The following ADAMTS6 variants were observed in gnomAD, a reference collection of about 807,000 sequenced individuals.
ADAMTS6 encodes the protein ADAM metallopeptidase with thrombospondin type 1 motif 6.
In ADAMTS6, 23 loss-of-function variants were observed where a neutral mutation model predicts 144.3. The ratio of observed to expected loss-of-function variants is 0.16; its 90% CI spans 0.11 to 0.23. ADAMTS6 has a LOEUF of 0.23. Ranked by LOEUF, ADAMTS6 falls within the 10% of genes least tolerant of loss-of-function variation. The probability of loss-of-function intolerance (pLI) is 1.00; values close to 1 mark genes in which losing one functional copy is unlikely to be tolerated. For synonymous variants in ADAMTS6, 444 were observed against 457.5 expected, an observed-to-expected ratio of 0.97 and a Z score of 0.38; for missense variants, 999 against 1,379.6, an observed-to-expected ratio of 0.72 and a Z score of 4.37.
At chr5:65,156,309 C>CAA (rs199620250) in intron 24 of ADAMTS6, among the ~76,000 whole-genome samples, 2 of 150,820 alleles carry the variant, frequency 1.3e-5, no homozygotes, top group African/African-American at 2.4e-5. Context: ...AAAAAAAACA[C>CAA]AAAAAAACGA....
intron 16 of ADAMTS6, among the ~76,000 whole-genome samples, chr5:65,225,565 C>A (rs1477318266): frequency 3.3e-5 from 5 of 152,160 alleles, no homozygotes; most frequent in African/African-American, 1.2e-4. Flanking sequence ...CAATTCCCAA[C>A]TAGTCTGACT....
At chr5:65,338,450 G>C (rs1413139372) in intron 7 of ADAMTS6, among the ~76,000 whole-genome samples, 1 of 152,246 alleles carries the variant, frequency 6.6e-6, no homozygotes, top group Non-Finnish European at 1.5e-5. Context: ...TAATCTTCTA[G>C]TCACTTTTGC....
At chr5:65,345,875 A>C (rs968224792) in intron 7 of ADAMTS6, among the ~76,000 whole-genome samples, 30 of 151,860 alleles carry the variant, frequency 2.0e-4, no homozygotes, top group African/African-American at 7.2e-4. Context: ...TTTTATTCAA[A>C]TCTATCTTAT....
intron 7 of ADAMTS6, among the ~76,000 whole-genome samples, chr5:65,399,445 C>T (rs1185098600): frequency 6.6e-6 from 1 of 152,152 alleles, no homozygotes; most frequent in African/African-American, 2.4e-5. Flanking sequence ...TTGTTTTCCA[C>T]TCTGCCTTTT....
intron 19 of ADAMTS6, 71 bp from the exon 20 acceptor site, chr5:65,215,003 T>G: frequency 6.6e-7 from 1 of 1,515,900 alleles, no homozygotes; most frequent in Non-Finnish European, 8.9e-7. Flanking sequence ...TATTATTCCT[T>G]TTGAAGAAGA....
intron 23 of ADAMTS6, among the ~76,000 whole-genome samples, chr5:65,171,493 GGCTGGTGAACTCTA>G (rs1328737121): frequency 2.0e-5 from 3 of 152,178 alleles, no homozygotes; most frequent in African/African-American, 7.2e-5. Context: ...TTCCCGGCAA[GGCTGGTGAACTCTA>G]GCAGGAGTGT....
At chr5:65,341,913 C>T (rs1747873115) in intron 7 of ADAMTS6, among the ~76,000 whole-genome samples, 1 of 152,066 alleles carries the variant, frequency 6.6e-6, no homozygotes, top group Non-Finnish European at 1.5e-5. Context: ...GCCAATATCC[C>T]TGATAAATGT....
chr5:65,224,699 C>T (rs1205208540), intron 17 of ADAMTS6, among the ~76,000 whole-genome samples: 1 of 152,160 alleles, frequency 6.6e-6, no homozygotes, highest in African/African-American at 2.4e-5. Context: ...GAATGTACAC[C>T]TTTAAGAAAC....
chr5:65,365,476 T>C (rs1190531545), intron 7 of ADAMTS6, among the ~76,000 whole-genome samples: 1 of 151,946 alleles, frequency 6.6e-6, no homozygotes, highest in African/African-American at 2.4e-5. Context: ...TGAAACCCCA[T>C]CTCTACTAAA....
chr5:65,264,111 T>C (rs1333383615), intron 12 of ADAMTS6, among the ~76,000 whole-genome samples: 1 of 152,208 alleles, frequency 6.6e-6, no homozygotes, highest in African/African-American at 2.4e-5. Context: ...GCTTCTTACC[T>C]GATCATTGTG....
chr5:65,171,327 G>C (rs986788293), intron 23 of ADAMTS6, among the ~76,000 whole-genome samples: 6 of 152,026 alleles, frequency 3.9e-5, no homozygotes, highest in Non-Finnish European at 7.4e-5. Flanking sequence ...AACTTTTAAA[G>C]CCCACATGTG....
At position 65,430,784 on chromosome 5, in the gene ADAMTS6, CAT is replaced by C. The variant is rs550391038; in HGVS notation, c.1073+20689_1073+20690del. Among the ~76,000 whole-genome samples the C allele has an allele frequency of 1.3e-3, 193 of 152,256 alleles. 2 individuals carry two copies. The highest frequency in any genetic ancestry group is 3.1e-3 in the South Asian group (15 of 4,818). On this transcript the variant is annotated intron_variant, in intron 7 of 24. Transcript: ENST00000381055. ...CAAGCTCTGTCCCATCTCATTTACA[CAT>C]GTTTTTTTCTTTGCTTAGAACACAT...
chr5:65,390,043 T>A (rs1752788153), intron 7 of ADAMTS6, among the ~76,000 whole-genome samples: 2 of 152,214 alleles, frequency 1.3e-5, no homozygotes, highest in Admixed American at 1.3e-4. Flanking sequence ...ATAGTAATTC[T>A]AGCACTCTTG....
chr5:65,423,163 C>T (rs185395818), intron 7 of ADAMTS6, among the ~76,000 whole-genome samples: 1 of 152,154 alleles, frequency 6.6e-6, no homozygotes, highest in African/African-American at 2.4e-5. Context: ...ACTGGAGATT[C>T]AGAAGGGGGA....
At position 65,181,522 on chromosome 5, in the gene ADAMTS6, T is replaced by C. The variant is rs80298459; in HGVS notation, c.2910+6494A>G. ...TTATTAAACAAATTTTTAAGAATTA[T>C]TATAGATGAGGAAAGCTTAAGAGAC... On this transcript the variant is annotated intron_variant, in intron 22 of 24. Transcript: ENST00000381055. 3.8e-3 allele frequency among the ~76,000 whole-genome samples: 575 copies of C among 152,338 alleles called. 3 individuals carry two copies. The highest frequency in any genetic ancestry group is 6.7e-3 in the Non-Finnish European group (459 of 68,024).
At chr5:65,212,239 T>C (rs557064128) in intron 20 of ADAMTS6, among the ~76,000 whole-genome samples, 10 of 152,214 alleles carry the variant, frequency 6.6e-5, no homozygotes, top group African/African-American at 2.4e-4. Flanking sequence ...CTTTACACCA[T>C]GCCCTCTATA....
At chr5:65,416,116 C>T in intron 7 of ADAMTS6, 1 of 192,666 alleles carries the variant, frequency 5.2e-6, no homozygotes, top group Non-Finnish European at 1.1e-5. Flanking sequence ...CGGAAGGAGA[C>T]TGTATTCACC....
intron 7 of ADAMTS6, among the ~76,000 whole-genome samples, chr5:65,444,642 A>G (rs963217059): frequency 6.6e-6 from 1 of 152,202 alleles, no homozygotes; most frequent in East Asian, 1.9e-4. Context: ...CCATATTGTT[A>G]AGATGTCAGT....
At chr5:65,176,078 C>T (rs1227740376) in intron 22 of ADAMTS6, among the ~76,000 whole-genome samples, 3 of 150,182 alleles carry the variant, frequency 2.0e-5, no homozygotes, top group African/African-American at 7.4e-5. Context: ...AAAAGAAGTT[C>T]GCTTTGGAAA....
Sources: allele counts gnomAD v4.1 joint callset (sites outside exome capture counted in the v4.1 genomes callset), GRCh38; gene constraint gnomAD v4.1.1; transcripts MANE v1.5; gene names NCBI Gene and HGNC (gene_info 2026-07-23, HGNC 2026-07-21).